Variants in LDAF1 observed in about 807,000 individuals in gnomAD.
The protein encoded by LDAF1 is PROMETHIN.
A neutral mutation model predicts 13.5 loss-of-function variants in LDAF1; 7 were observed. That is an observed-to-expected ratio of 0.52 (90% CI 0.29 to 0.97). The LOEUF is 0.97. LDAF1 is among the 50% of genes least tolerant of loss of function. The probability of loss-of-function intolerance (pLI) is 0.07; values close to 1 mark genes in which losing one functional copy is unlikely to be tolerated. For synonymous variants in LDAF1, 69 were observed against 77.1 expected (o/e 0.89, Z 0.55); for missense variants, 148 against 193.2 (o/e 0.77, Z 1.39).
intron 1 of LDAF1, chr16:21,159,396 G>C (rs1392198065): frequency 6.2e-7 from 1 of 1,614,112 alleles, no homozygotes; most frequent in East Asian, 2.2e-5. Flanking sequence ...GGGCCCGGAT[G>C]GGGAGGGGCG....
intron 3 of LDAF1, 122 bp downstream of exon 3, chr16:21,170,727 A>G (rs2093079937): frequency 2.5e-6 from 3 of 1,187,192 alleles, no homozygotes. Context: ...GCTGGTCTCA[A>G]ACTCCTGGGC....
At chr16:21,175,577 G>A (rs2093131675) in intron 4 of LDAF1, among the ~76,000 whole-genome samples, 1 of 152,232 alleles carries the variant, frequency 6.6e-6, no homozygotes, top group Non-Finnish European at 1.5e-5. Context: ...TGTTGCCGTA[G>A]CATGAAGGCA....
chr16:21,176,907 A>G (rs2093143665), intron 4 of LDAF1, among the ~76,000 whole-genome samples: 1 of 151,590 alleles, frequency 6.6e-6, no homozygotes, highest in Non-Finnish European at 1.5e-5. Context: ...CTGGAAAAAA[A>G]AAAAAAAAGA....
At chr16:21,170,997 A>G (rs992717593) in intron 3 of LDAF1, among the ~76,000 whole-genome samples, 13 of 152,230 alleles carry the variant, frequency 8.5e-5, no homozygotes, top group African/African-American at 3.1e-4. Flanking sequence ...GGTTGTTGTG[A>G]AGATTGAAAC....
Position 21,168,490 on chromosome 16 carries a change from A to G in LDAF1, c.97-1947A>G, listed in dbSNP as rs184522039. 4.4e-3 allele frequency among the ~76,000 whole-genome samples: 640 copies of G among 146,566 alleles called. 2 individuals are homozygous for G. Among genetic ancestry groups the G allele is most frequent in the Non-Finnish European group, 6.7e-3 (454 of 67,262 alleles). On this transcript the variant is annotated intron_variant, in intron 2 of 4. Coordinates refer to ENST00000233047, the MANE Select transcript of LDAF1 (RefSeq NM_001301771.2). ...CTTTTAATGCTTAATAATGCTTTTA[A>G]TAATAATGCTTTTAATAATTATAAT...
chr16:21,167,724 C>T (rs748158000), intron 2 of LDAF1, among the ~76,000 whole-genome samples: 6 of 6,418 alleles, frequency 9.3e-4, no homozygotes, highest in Non-Finnish European at 1.7e-3. Context: ...AGGAGACTTG[C>T]GGTGGGGCGC....
At chr16:21,163,411 C>T (rs1342642742) in intron 2 of LDAF1, among the ~76,000 whole-genome samples, 3 of 152,038 alleles carry the variant, frequency 2.0e-5, no homozygotes, top group Non-Finnish European at 2.9e-5. Flanking sequence ...TTTGGGAGGC[C>T]GAGGCGGGTG....
chr16:21,159,627 C>T (rs1257042421), intron 1 of LDAF1, among the ~76,000 whole-genome samples: 1 of 152,176 alleles, frequency 6.6e-6, no homozygotes, highest in East Asian at 1.9e-4. Flanking sequence ...TTGGCCGCGC[C>T]GGGTTCTCGC....
At chr16:21,173,472 GGGAGGCCAAGGCAGGT>G (rs1297242765) in intron 3 of LDAF1, 2 of 152,476 alleles carry the variant, frequency 1.3e-5, no homozygotes, top group Non-Finnish European at 2.9e-5. Flanking sequence ...GCAGCACCTT[GGGAGGCCAAGGCAGGT>G]GGATCACTTG....
intron 4 of LDAF1, among the ~76,000 whole-genome samples, chr16:21,176,136 G>A (rs28480072): frequency 0.011 from 1,693 of 152,268 alleles, 43 homozygotes; most frequent in African/African-American, 0.039. Flanking sequence ...GCCTCTGAAC[G>A]CTGCTGTAAC....
chr16:21,166,827 C>G lies in LDAF1; in HGVS notation c.97-3610C>G, dbSNP rs1326539963. 4 of 1,535,472 alleles carry G rather than the reference C, an allele frequency of 2.6e-6. No homozygotes were observed. In the Admixed American group the frequency reaches 7.8e-5, roughly 30 times the overall value. On this transcript the variant is annotated intron_variant, in intron 2 of 4. Coordinates refer to ENST00000233047, the MANE Select transcript of LDAF1 (RefSeq NM_001301771.2). ...TGACTCCCACGGCTCCTCCGCCTCT[C>G]TTTCTCTTTCAGCTGCCCCAACACA...
At chr16:21,166,101 AT>A (rs1395949512) in intron 2 of LDAF1, among the ~76,000 whole-genome samples, 2 of 152,128 alleles carry the variant, frequency 1.3e-5, no homozygotes, top group Non-Finnish European at 2.9e-5. Context: ...ATCTTAAGTA[AT>A]CTGCCCACCT....
intron 2 of LDAF1, among the ~76,000 whole-genome samples, chr16:21,162,088 G>A (rs182912743): frequency 5.6e-4 from 85 of 152,138 alleles, no homozygotes; most frequent in African/African-American, 1.9e-3. Context: ...CCCAGGAGGC[G>A]GAGGTTGCAG....
At position 21,161,160 on chromosome 16, in the gene LDAF1, A is replaced by C; in HGVS notation, c.-23A>C. On this transcript the variant is annotated 5_prime_UTR_variant, in exon 2 of 5. An upstream open reading frame in the 5' UTR loses its in-frame stop. Transcript: ENST00000233047. The stretch of plus-strand genomic sequence containing the variant: ...TTACTGGTAGGATAATTCATCCCTA[A>C]AGAGATTGAAGTGAGCTTCAGAATG... 6.2e-7 allele frequency: 1 copy of C among 1,613,532 alleles called. No individual in the cohort carries two copies. Among genetic ancestry groups the C allele is most frequent in the South Asian group, 1.1e-5 (1 of 90,966 alleles).
At chr16:21,168,621 C>A (rs2093049879) in intron 2 of LDAF1, among the ~76,000 whole-genome samples, 1 of 137,040 alleles carries the variant, frequency 7.3e-6, no homozygotes, top group Admixed American at 7.5e-5. Context: ...ATATTGATAA[C>A]TAATATTAGT....
chr16:21,166,159 G>A (rs1054932931), intron 2 of LDAF1, among the ~76,000 whole-genome samples: 3 of 152,088 alleles, frequency 2.0e-5, no homozygotes, highest in African/African-American at 4.8e-5. Context: ...ACCGTGCCCA[G>A]CCAGAGATTA....
Position 21,179,547 on chromosome 16 carries a change from C to A in LDAF1, c.477C>A (p.Tyr159Ter). The A allele has an allele frequency of 6.2e-7, 1 of 1,613,892 alleles. No individual in the cohort carries two copies. Among genetic ancestry groups the A allele is most frequent in the South Asian group, 1.1e-5 (1 of 91,068 alleles). The stretch of plus-strand genomic sequence containing the variant: ...AGTCTGCAGAATTCGAGGGGCTTTA[C>A]CAGGAATGAGTGACTGCTCAGAGGC... ...AMKSAEFEGL[Y>*]QE The change falls in exon 5 of 5, where the codon TAC (tyrosine) becomes TAA (stop). Residue 159 changes from tyrosine to a stop codon, truncating the protein, a stop_gained. Transcript: ENST00000233047. LOFTEE classifies it high-confidence loss of function.
rs778992036 is a variant in LDAF1 at position 21,167,696 on chromosome 16, G to GTT, written c.97-2729_97-2728dup. Among the ~76,000 whole-genome samples, 83 of 89,104 alleles carry GTT rather than the reference G, an allele frequency of 9.3e-4. 10 individuals are homozygous for GTT. The East Asian group carries it at 0.019, about 20-fold the overall frequency. 58.5% of individuals were successfully genotyped at this position (89,104 alleles called of 152,430 possible). On this transcript the variant is annotated intron_variant, in intron 2 of 4. Transcript: ENST00000233047. ...ATTCTGAGTCCAAGACCTTAGGTTTGTTTTTTTTTTTTTGAAAAGGAGACT... is the reference window on the plus strand; with the variant it reads ...ATTCTGAGTCCAAGACCTTAGGTTTGTTTTTTTTTTTTTTTGAAAAGGAGACT...
intron 2 of LDAF1, among the ~76,000 whole-genome samples, chr16:21,167,946 C>T (rs2093041844): frequency 7.1e-6 from 1 of 141,616 alleles, no homozygotes; most frequent in Non-Finnish European, 1.5e-5. Context: ...GCGGAGGTTG[C>T]AGTGAGCCGA....
Sources: gnomAD v4.1 joint callset for allele counts (sites outside exome capture counted in the v4.1 genomes callset) on GRCh38, gnomAD v4.1.1 for gene constraint, MANE v1.5 for transcripts, NCBI Gene and HGNC (gene_info 2026-07-23, HGNC 2026-07-21) for gene names.